The following KSR2 variants were observed in gnomAD, a reference collection of about 807,000 sequenced individuals.
KSR2 encodes the protein kinase suppressor of ras 2.
KSR2 carries 25 observed loss-of-function variants against 107.8 expected under a neutral mutation model. The observed-to-expected ratio is 0.23, with a 90% CI of 0.17 to 0.32. The LOEUF is 0.32. Ranked by LOEUF, KSR2 falls within the 10% of genes least tolerant of loss-of-function variation. KSR2 has a pLI of 1.00. For missense variants in KSR2, 887 were observed against 1,268.9 expected (o/e 0.70, Z 4.57); for synonymous variants, 480 against 507.0 (o/e 0.95, Z 0.71).
At chr12:117,589,381 T>C (rs1035550322) in intron 5 of KSR2, among the ~76,000 whole-genome samples, 1 of 152,210 alleles carries the variant, frequency 6.6e-6, no homozygotes, top group Admixed American at 6.5e-5. Context: ...GTTGTATTAT[T>C]TCACTTAGTC....
chr12:117,792,169 C>A (rs1300434806), intron 3 of KSR2, among the ~76,000 whole-genome samples: 1 of 114,462 alleles, frequency 8.7e-6, no homozygotes, highest in Non-Finnish European at 1.7e-5. Context: ...GAGACACAGT[C>A]TCTACAAAAA....
chr12:117,612,273 G>A (rs535028386), intron 5 of KSR2, among the ~76,000 whole-genome samples: 140 of 151,990 alleles, frequency 9.2e-4, no homozygotes, highest in Non-Finnish European at 1.4e-3. Flanking sequence ...GCGTGGTGGT[G>A]CACCCCTGTA....
intron 7 of KSR2, among the ~76,000 whole-genome samples, chr12:117,564,560 C>T (rs1219071687): frequency 6.6e-6 from 1 of 152,200 alleles, no homozygotes; most frequent in Non-Finnish European, 1.5e-5. Context: ...ATAGGATAAG[C>T]TTCAGTTATC....
intron 18 of KSR2, among the ~76,000 whole-genome samples, chr12:117,470,193 T>TATCCATCCATCCATCCATCCATCC (rs60164511): frequency 5.8e-5 from 8 of 138,322 alleles, no homozygotes; most frequent in African/African-American, 2.0e-4. Flanking sequence ...CATCTTTCAT[T>TATCCATCCATCCATCCATCCATCC]ATCCATCCAT....
intron 3 of KSR2, among the ~76,000 whole-genome samples, chr12:117,785,931 A>C (rs1890056553): frequency 6.6e-6 from 1 of 152,246 alleles, no homozygotes; most frequent in Non-Finnish European, 1.5e-5. Context: ...GAAAATTCCC[A>C]AATTTTGTGA....
chr12:117,784,760 A>C (rs2136954854), intron 3 of KSR2, among the ~76,000 whole-genome samples: 1 of 152,290 alleles, frequency 6.6e-6, no homozygotes, highest in South Asian at 2.1e-4. Context: ...GAACTGGAGA[A>C]AGAGGCCCCT....
chr12:117,712,826 T>G (rs11068642), intron 4 of KSR2, among the ~76,000 whole-genome samples: 2,251 of 152,202 alleles, frequency 0.015, 54 homozygotes, highest in African/African-American at 0.052. Flanking sequence ...TCTAGATAGA[T>G]AGCTACCTAG....
chr12:117,773,955 G>A (rs986012778), intron 3 of KSR2, among the ~76,000 whole-genome samples: 6 of 152,162 alleles, frequency 3.9e-5, no homozygotes, highest in Non-Finnish European at 5.9e-5. Context: ...AGAAAATTCC[G>A]CTATTGTCTC....
rs961553579 is a variant in KSR2, at chr12:117,727,855, G to T, written c.986+33156C>A. ...AATAAATGATGGTATATTCACACAAGAAAATATTAGTAATATGTAGCTATA... is the reference window on the plus strand; with the variant it reads ...AATAAATGATGGTATATTCACACAATAAAATATTAGTAATATGTAGCTATA... On this transcript the variant is annotated intron_variant, in intron 4 of 19. Coordinates refer to ENST00000339824, the MANE Select transcript of KSR2 (RefSeq NM_173598.6). 2.6e-5 allele frequency among the ~76,000 whole-genome samples: 4 copies of T among 152,156 alleles called. No homozygotes were observed. In the East Asian group the frequency reaches 7.7e-4, roughly 29 times the overall value.
intron 4 of KSR2, among the ~76,000 whole-genome samples, chr12:117,739,424 C>T (rs1366767176): frequency 6.6e-6 from 1 of 152,152 alleles, no homozygotes; most frequent in Non-Finnish European, 1.5e-5. Context: ...TACAGCAACA[C>T]TAGGTGAGAG....
At chr12:117,526,322 C>G (rs1040121660) in intron 13 of KSR2, among the ~76,000 whole-genome samples, 2 of 152,166 alleles carry the variant, frequency 1.3e-5, no homozygotes, top group Non-Finnish European at 2.9e-5. Flanking sequence ...GATTCTCCTG[C>G]AGAATTGTGG....
chr12:117,715,357 T>A (rs1886940168), intron 4 of KSR2, among the ~76,000 whole-genome samples: 1 of 152,212 alleles, frequency 6.6e-6, no homozygotes, highest in South Asian at 2.1e-4. Flanking sequence ...CATTCAGGAA[T>A]AATTGAGGGA....
Position 117,621,742 on chromosome 12 carries a change from A to T in KSR2, c.1172-39383T>A, listed in dbSNP as rs1336024324. Among the ~76,000 whole-genome samples, 3 of 152,326 alleles carry T rather than the reference A, an allele frequency of 2.0e-5. No individual in the cohort carries two copies. The East Asian group carries it at 5.8e-4, about 29-fold the overall frequency. On this transcript the variant is annotated intron_variant, in intron 5 of 19. Coordinates refer to ENST00000339824, the MANE Select transcript of KSR2 (RefSeq NM_173598.6). ...TTGGAAGAAACTAAGTGAAGAGTAC[A>T]TAGGAACTCTATACTATTTTTGCAA...
Position 117,730,665 on chromosome 12 carries a change from C to T in KSR2, c.986+30346G>A, listed in dbSNP as rs546263782. 2.0e-4 allele frequency among the ~76,000 whole-genome samples: 30 copies of T among 152,342 alleles called. No individual in the cohort carries two copies. In the Middle Eastern group the frequency reaches 0.014, roughly 69 times the overall value. On this transcript the variant is annotated intron_variant, in intron 4 of 19. Transcript: ENST00000339824. ...CTGGGATTGCAGGCACGCGCCGCCA[C>T]GCCTGACTGGTTTTTGTATTTTTTG... is the stretch of plus-strand genomic sequence containing the variant.
intron 4 of KSR2, among the ~76,000 whole-genome samples, chr12:117,711,107 A>G (rs111347775): frequency 0.016 from 2,388 of 152,318 alleles, 67 homozygotes; most frequent in African/African-American, 0.054. Context: ...TAATTTTATA[A>G]CTTATATCTC....
chr12:117,455,034 C>CAGAGAGAGAGAGAGAGAGAGAG lies in KSR2; in HGVS notation c.*12143_*12164dup, dbSNP rs1166413767. On this transcript the variant is annotated 3_prime_UTR_variant, in exon 20 of 20. Transcript: ENST00000339824. ...AGAGACAGACACAGAGACAGACAGA[C>CAGAGAGAGAGAGAGAGAGAGAG]AGAGAGAGAGAGAGAGAGAGAGAGA... The CAGAGAGAGAGAGAGAGAGAGAG allele has an allele frequency of 2.9e-4, 27 of 91,620 alleles. No homozygotes were observed. Among genetic ancestry groups the CAGAGAGAGAGAGAGAGAGAGAG allele is most frequent in the African/African-American group, 1.1e-3 (24 of 21,810 alleles). 5.7% of individuals were successfully genotyped at this position (91,620 alleles called of 1,614,324 possible).
chr12:117,767,784 C>CAAAAA (rs35307926), intron 3 of KSR2, among the ~76,000 whole-genome samples: 1 of 85,786 alleles, frequency 1.2e-5, no homozygotes, highest in Non-Finnish European at 2.4e-5. Context: ...GACTCCGTCT[C>CAAAAA]AAAAAAAAAA....
chr12:117,732,992 G>A (rs1269221989), intron 4 of KSR2, among the ~76,000 whole-genome samples: 1 of 152,158 alleles, frequency 6.6e-6, no homozygotes, highest in East Asian at 1.9e-4. Flanking sequence ...CTGCTCAGCT[G>A]TGTCATCAGA....
chr12:117,627,757 T>A (rs1001399141), intron 5 of KSR2, among the ~76,000 whole-genome samples: 1 of 152,192 alleles, frequency 6.6e-6, no homozygotes, highest in African/African-American at 2.4e-5. Context: ...TGCCTTGCTA[T>A]GTTGGAGAAG....
Sources: gnomAD v4.1 joint callset for allele counts (sites outside exome capture counted in the v4.1 genomes callset) on GRCh38, gnomAD v4.1.1 for gene constraint, MANE v1.5 for transcripts, NCBI Gene and HGNC (gene_info 2026-07-23, HGNC 2026-07-21) for gene names.